The following METTL14 variants were observed in gnomAD, a reference collection of about 807,000 sequenced individuals.
The protein encoded by METTL14 is N(6)-adenosine-methyltransferase non-catalytic subunit METTL14.
In METTL14, 32 loss-of-function variants were observed where a neutral mutation model predicts 62.4. That is an observed-to-expected ratio of 0.51 (90% CI 0.39 to 0.69). METTL14 has a LOEUF of 0.69. METTL14 is among the 30% of genes least tolerant of loss of function. The probability of loss-of-function intolerance (pLI) is 0.00; values close to 1 mark genes in which losing one functional copy is unlikely to be tolerated. For missense variants in METTL14, 340 were observed against 551.9 expected (o/e 0.62, Z 3.85); for synonymous variants, 150 against 180.0 (o/e 0.83, Z 1.34).
chr4:118,690,024 GTAA>G (rs1042376664), intron 3 of METTL14, among the ~76,000 whole-genome samples: 3 of 141,276 alleles, frequency 2.1e-5, no homozygotes, highest in Non-Finnish European at 4.6e-5. Context: ...TAAGAACTAG[GTAA>G]TAATATTCTT....
In METTL14 at chr4:118,686,758, A is replaced by G. The variant is rs141821611; in HGVS notation, c.66+1158A>G. 335 of 411,778 alleles carry G rather than the reference A, an allele frequency of 8.1e-4. 1 individual carries two copies. Among genetic ancestry groups the G allele is most frequent in the African/African-American group, 4.5e-3 (215 of 48,294 alleles). The allele number at this position is 411,778 out of a possible 1,614,324, so 25.5% of individuals were successfully genotyped here. On this transcript the variant is annotated intron_variant, in intron 1 of 10. Transcript: ENST00000388822. Reference sequence around the variant, plus strand: ...GTTTTACTCCTTAATATTGAATTCAAACTTCTATTTGACTCAATATACATT... The same window carrying G: ...GTTTTACTCCTTAATATTGAATTCAGACTTCTATTTGACTCAATATACATT...
At chr4:118,689,969 G>C (rs567278845) in intron 3 of METTL14, among the ~76,000 whole-genome samples, 2 of 148,910 alleles carry the variant, frequency 1.3e-5, no homozygotes, top group East Asian at 2.0e-4. Flanking sequence ...GAGTTATGTG[G>C]ATTAAATGAG....
chr4:118,698,029 G>T (rs1026916995), intron 7 of METTL14, among the ~76,000 whole-genome samples: 1 of 152,154 alleles, frequency 6.6e-6, no homozygotes, highest in African/African-American at 2.4e-5. Context: ...CACAGATTGG[G>T]ACTATCTTGA....
intron 10 of METTL14, among the ~76,000 whole-genome samples, chr4:118,709,147 A>G (rs1724846668): frequency 6.6e-6 from 1 of 152,242 alleles, no homozygotes; most frequent in African/African-American, 2.4e-5. Context: ...CAGGATAGAA[A>G]AGAAAATAAT....
intron 4 of METTL14, 126 bp from the exon 5 acceptor site, chr4:118,691,855 T>C (rs1170273023): frequency 1.5e-6 from 1 of 660,758 alleles, no homozygotes; most frequent in Non-Finnish European, 2.5e-6. Context: ...TATTTTCAAA[T>C]ATTACTAATT....
Position 118,685,470 on chromosome 4 carries a change from A to G in METTL14, c.-65A>G, listed in dbSNP as rs1042914667. On this transcript the variant is annotated 5_prime_UTR_variant, in exon 1 of 11. Transcript: ENST00000388822. ...ATTTTGTTCCACAGACTCGGAAGAA[A>G]GGTTGGATAAGAGTTCACTGGAGAT... 5 of 1,472,132 alleles carry G rather than the reference A, an allele frequency of 3.4e-6. No homozygotes were observed. The highest frequency in any genetic ancestry group is 2.9e-6 in the Non-Finnish European group (3 of 1,050,624). 91.2% of individuals were successfully genotyped at this position (1,472,132 alleles called of 1,614,324 possible).
At chr4:118,688,091 A>T in intron 2 of METTL14, 80 bp downstream of exon 2, 2 of 1,157,802 alleles carry the variant, frequency 1.7e-6, no homozygotes, top group Admixed American at 2.1e-5. Context: ...GCTGGAGTAC[A>T]GTAGCATGAT....
Position 118,705,690 on chromosome 4 carries a change from A to T in METTL14, c.935A>T (p.Asp312Val). Residue 312 changes from aspartate to valine, a missense_variant, in exon 10 of 11, where the codon GAC (aspartate) becomes GTC (valine). Physicochemically the swap from Asp to Val is radical, Grantham distance 152. Coordinates refer to ENST00000388822, the MANE Select transcript of METTL14 (RefSeq NM_020961.4). ...GDFIHANVDIDLIITEEPEIG... is the reference protein window; with the variant it reads ...GDFIHANVDIVLIITEEPEIG... The stretch of plus-strand genomic sequence containing the variant: ...TTCATTCATGCTAATGTTGACATTG[A>T]CTTAATTATCACAGAAGAACCTGAA... 6.2e-7 allele frequency: 1 copy of T among 1,614,156 alleles called. No homozygotes were observed. The highest frequency in any genetic ancestry group is 8.5e-7 in the Non-Finnish European group (1 of 1,179,994).
rs1423683344 is a variant in METTL14, at chr4:118,709,907, A to C, written c.1067-91A>C. 3 of 1,223,396 alleles carry C rather than the reference A, an allele frequency of 2.5e-6. No individual in the cohort carries two copies. The East Asian group carries it at 7.0e-5, about 29-fold the overall frequency. 75.8% of individuals were successfully genotyped at this position (1,223,396 alleles called of 1,614,324 possible). A position where few individuals can be genotyped will look rare whatever the true frequency, so the allele number is the denominator to read the frequency against. ...TTGGATGAATGATGGGGACATCTTT[A>C]AGAATGCATTGGGGATTTGAACTAG... On this transcript the variant is annotated intron_variant, in intron 10 of 10. Transcript: ENST00000388822.
In METTL14 at chr4:118,710,439, AGC is replaced by A; in HGVS notation, c.*139_*140del. 1 of 851,450 alleles carries A rather than the reference AGC, an allele frequency of 1.2e-6. No homozygotes were observed. Among genetic ancestry groups the A allele is most frequent in the Non-Finnish European group, 1.8e-6 (1 of 562,478 alleles). The allele number at this position is 851,450 out of a possible 1,614,324, so 52.7% of individuals were successfully genotyped here. A position where few individuals can be genotyped will look rare whatever the true frequency, so the allele number is the denominator to read the frequency against. ...TTTCTCTGAGCTGCAAGAATGTCTT[AGC>A]GAGCCTTGCTTGCAGTTGTCACACA... On this transcript the variant is annotated 3_prime_UTR_variant, in exon 11 of 11. Transcript: ENST00000388822.
In METTL14 at chr4:118,696,599, T is replaced by G. The variant is rs145627478; in HGVS notation, c.504-583T>G. Among the ~76,000 whole-genome samples the G allele has an allele frequency of 3.5e-3, 540 of 152,298 alleles. 5 individuals carry two copies. Among genetic ancestry groups the G allele is most frequent in the African/African-American group, 0.012 (518 of 41,558 alleles). ...ATTTACATTTAAAGTATTTTAAATTTAAAATATTTTCATGCTATGTGACAA... is the reference window on the plus strand; with the variant it reads ...ATTTACATTTAAAGTATTTTAAATTGAAAATATTTTCATGCTATGTGACAA... On this transcript the variant is annotated intron_variant, in intron 6 of 10. Transcript: ENST00000388822.
In METTL14 at chr4:118,701,291, C is replaced by G. The variant is rs916831407; in HGVS notation, c.738+649C>G. On this transcript the variant is annotated intron_variant, in intron 8 of 10. Transcript: ENST00000388822. ...CTCGACCTCCTGGACTCAACTCAAG[C>G]AGTTTTCCCACATCAGCCTCCTAAT... 4.7e-5 allele frequency among the ~76,000 whole-genome samples: 7 copies of G among 149,706 alleles called. No homozygotes were observed. The Admixed American group carries it at 4.7e-4, about 10-fold the overall frequency.
intron 1 of METTL14, 120 bp from the exon 2 acceptor site, chr4:118,687,802 TG>T: frequency 1.5e-6 from 1 of 671,734 alleles, no homozygotes; most frequent in Non-Finnish European, 2.6e-6. Context: ...TGTGTGTGTG[TG>T]TGTGTGTGAA....
chr4:118,699,912 GGGTTTCACA>G (rs1327394635), intron 7 of METTL14, among the ~76,000 whole-genome samples: 4 of 152,022 alleles, frequency 2.6e-5, no homozygotes, highest in Admixed American at 6.6e-5. Context: ...AAAAATGTTT[GGGTTTCACA>G]GGTATTCTTT....
intron 2 of METTL14, among the ~76,000 whole-genome samples, chr4:118,688,242 G>T (rs1724136668): frequency 6.6e-6 from 1 of 152,114 alleles, no homozygotes; most frequent in African/African-American, 2.4e-5. Context: ...TTCGAGGCCA[G>T]TCTGGCCAAC....
intron 10 of METTL14, among the ~76,000 whole-genome samples, chr4:118,709,172 C>T (rs2029399): frequency 0.28 from 43,188 of 152,006 alleles, 7,084 homozygotes; most frequent in Non-Finnish European, 0.37. Context: ...GCACAAAAAT[C>T]GGGGTTAGTA....
At chr4:118,694,029 A>T (rs1476354702) in intron 5 of METTL14, among the ~76,000 whole-genome samples, 3 of 151,330 alleles carry the variant, frequency 2.0e-5, no homozygotes, top group African/African-American at 7.3e-5. Context: ...CAAGAAATTA[A>T]GTAAAAATCT....
intron 8 of METTL14, among the ~76,000 whole-genome samples, chr4:118,702,643 G>T (rs946482577): frequency 6.6e-6 from 1 of 151,990 alleles, no homozygotes; most frequent in Admixed American, 6.6e-5. Flanking sequence ...CAGCATGGTG[G>T]CACGTGCTTG....
Position 118,714,596 on chromosome 4 carries a change from A to G in METTL14, c.*4294A>G, listed in dbSNP as rs755374949. On this transcript the variant is annotated 3_prime_UTR_variant, in exon 11 of 11. Coordinates refer to ENST00000388822, the MANE Select transcript of METTL14 (RefSeq NM_020961.4). ...ATACCACATGCATATTTTCTTTTTTATTTTTATTTTTTGAGACAGAGTCTC... is the reference window on the plus strand; with the variant it reads ...ATACCACATGCATATTTTCTTTTTTGTTTTTATTTTTTGAGACAGAGTCTC... The G allele has an allele frequency of 6.6e-6, 1 of 152,082 alleles. No homozygotes were observed. Among genetic ancestry groups the G allele is most frequent in the Non-Finnish European group, 1.5e-5 (1 of 67,984 alleles). The allele number at this position is 152,082 out of a possible 1,614,324, so 9.4% of individuals were successfully genotyped here. A position where few individuals can be genotyped will look rare whatever the true frequency, so the allele number is the denominator to read the frequency against.
Sources: allele counts gnomAD v4.1 joint callset (sites outside exome capture counted in the v4.1 genomes callset), GRCh38; gene constraint gnomAD v4.1.1; transcripts MANE v1.5; gene names NCBI Gene and HGNC (gene_info 2026-07-23, HGNC 2026-07-21).